Variants in HEXIM2 observed in about 807,000 individuals in gnomAD.
The protein encoded by HEXIM2 is HEXIM P-TEFb complex subunit 2, also known as protein HEXIM2.
For missense variants in HEXIM2, 413 were observed against 390.8 expected (o/e 1.06, Z -0.48); for synonymous variants, 159 against 162.7 (o/e 0.98, Z 0.17).
At chr17:45,166,423 G>A (rs1214928831) in intron 3 of HEXIM2, among the ~76,000 whole-genome samples, 3 of 152,158 alleles carry the variant, frequency 2.0e-5, no homozygotes, top group Non-Finnish European at 2.9e-5. Flanking sequence ...CACTACACCC[G>A]GCCGTAAGTC....
At chr17:45,161,286 G>A (rs1223900603), upstream of HEXIM2, 4 of 316,176 alleles carry the variant, frequency 1.3e-5, no homozygotes, top group African/African-American at 4.3e-5. Flanking sequence ...TGAGAGGCGA[G>A]GCTGCGGGGC....
intron 3 of HEXIM2, among the ~76,000 whole-genome samples, chr17:45,166,686 G>T (rs1207822200): frequency 6.6e-6 from 1 of 152,130 alleles, no homozygotes; most frequent in Non-Finnish European, 1.5e-5. Context: ...GGTGGTCAAG[G>T]AGGGGCTCCC....
At chr17:45,163,682 C>G (rs541827194) in intron 3 of HEXIM2, among the ~76,000 whole-genome samples, 1 of 151,946 alleles carries the variant, frequency 6.6e-6, no homozygotes, top group Non-Finnish European at 1.5e-5. Flanking sequence ...AACCTCATCT[C>G]TACTAAAAAT....
chr17:45,166,767 T>C, intron 3 of HEXIM2, among the ~76,000 whole-genome samples: 1 of 152,112 alleles, frequency 6.6e-6, no homozygotes, highest in East Asian at 1.9e-4. Flanking sequence ...CTCACACCTG[T>C]AATCCCAGTA....
At position 45,169,762 on chromosome 17, in the gene HEXIM2, A is replaced by T; in HGVS notation, c.814A>T (p.Met272Leu). The T allele has an allele frequency of 6.8e-7, 1 of 1,465,638 alleles. No homozygotes were observed. The highest frequency in any genetic ancestry group is 9.0e-7 in the Non-Finnish European group (1 of 1,108,898). 90.8% of individuals were successfully genotyped at this position (1,465,638 alleles called of 1,614,324 possible). A position where few individuals can be genotyped will look rare whatever the true frequency, so the allele number is the denominator to read the frequency against. ...ENQRLRQENQ[M>L]WNREGCRCDE... Reference sequence around the variant, plus strand: ...CCAGCGGCTTCGTCAGGAGAACCAGATGTGGAACCGAGAGGGCTGCCGCTG... The same window carrying T: ...CCAGCGGCTTCGTCAGGAGAACCAGTTGTGGAACCGAGAGGGCTGCCGCTG... Residue 272 changes from methionine to leucine, a missense_variant, in exon 4 of 4, where the codon ATG becomes TTG. Met to Leu is a conservative substitution (Grantham distance 15). Coordinates refer to ENST00000589230, the MANE Select transcript of HEXIM2 (RefSeq NM_001303441.2).
At position 45,169,113 on chromosome 17, in the gene HEXIM2, T is replaced by TG; in HGVS notation, c.166dup (p.Glu56GlyfsTer15). The stretch of plus-strand genomic sequence containing the variant: ...CGCGGATGGAGAGCCACTCAGAGGA[T>TG]GAAGATCTTGCTGGGGCTGTCGGTG... On this transcript the variant is annotated frameshift_variant, in exon 4 of 4. Coordinates refer to ENST00000589230, the MANE Select transcript of HEXIM2 (RefSeq NM_001303441.2). LOFTEE classifies it low-confidence loss of function (END_TRUNC). 1 of 1,614,018 alleles carries TG rather than the reference T, an allele frequency of 6.2e-7. No individual in the cohort carries two copies. Among genetic ancestry groups the TG allele is most frequent in the Non-Finnish European group, 8.5e-7 (1 of 1,180,024 alleles).
chr17:45,168,990 C>A, intron 3 of HEXIM2, 25 bp from the exon 4 acceptor site: 1 of 1,571,642 alleles, frequency 6.4e-7, no homozygotes, highest in South Asian at 1.2e-5. Flanking sequence ...TCTGATCCAT[C>A]CTTCTTCCTC....
rs1345277124 is a variant in HEXIM2 at position 45,169,181 on chromosome 17, G to T, written c.233G>T (p.Gly78Val). Residue 78 changes from glycine (G) to valine (V), a missense_variant, in exon 4 of 4, where the codon GGG becomes GTG. By Grantham distance (109) the Gly-to-Val change is moderately radical (BLOSUM62 -3). Coordinates refer to ENST00000589230, the MANE Select transcript of HEXIM2 (RefSeq NM_001303441.2). ...AGGAGTCCCCGGACCCAGAGCCCAG[G>T]GGGCTGCTCAGCGGAGGCTGTGCTG... ...NSRSPRTQSP[G>V]GCSAEAVLAR... 1.2e-6 allele frequency: 2 copies of T among 1,613,780 alleles called. No homozygotes were observed. The highest frequency in any genetic ancestry group is 1.1e-5 in the South Asian group (1 of 91,084).
Position 45,161,936 on chromosome 17 carries a change from A to G in HEXIM2, c.-288A>G, listed in dbSNP as rs781585153. The G allele has an allele frequency of 2.2e-5, 22 of 985,492 alleles. No individual in the cohort carries two copies. The highest frequency in any genetic ancestry group is 2.7e-5 in the Non-Finnish European group (22 of 830,078). 61.0% of individuals were successfully genotyped at this position (985,492 alleles called of 1,614,324 possible). On this transcript the variant is annotated 5_prime_UTR_variant, in exon 1 of 4. Coordinates refer to ENST00000589230, the MANE Select transcript of HEXIM2 (RefSeq NM_001303441.2). ...GACCAGAGCTGCTGCAACTGCAGCA[A>G]GAGGTAGGGCTCAGGCGTTGGGAAT...
At chr17:45,166,186 G>A (rs563790080) in intron 3 of HEXIM2, among the ~76,000 whole-genome samples, 12 of 152,088 alleles carry the variant, frequency 7.9e-5, no homozygotes, top group East Asian at 1.9e-4. Context: ...GCGCAGTGGC[G>A]CAATCACAGC....
In HEXIM2 at chr17:45,169,566, G is replaced by A. The variant is rs1385784188; in HGVS notation, c.618G>A (p.Gln206=). The A allele has an allele frequency of 1.3e-6, 2 of 1,555,810 alleles. No homozygotes were observed. The highest frequency in any genetic ancestry group is 3.9e-5 in the Admixed American group (2 of 50,788). Residue 206 remains glutamine (Q), a synonymous_variant, in exon 4 of 4, where the codon CAG becomes CAA. Coordinates refer to ENST00000589230, the MANE Select transcript of HEXIM2 (RefSeq NM_001303441.2). ...TYERFHTESL[Q]GRSKQELVRD... is the part of the protein sequence containing the mutation. Reference sequence around the variant, plus strand: ...AACGCTTCCACACCGAGAGCCTGCAGGGCCGCAGCAAGCAGGAGCTGGTGC... The same window carrying A: ...AACGCTTCCACACCGAGAGCCTGCAAGGCCGCAGCAAGCAGGAGCTGGTGC...
upstream of HEXIM2, chr17:45,160,755 G>A (rs941462964): frequency 6.7e-6 from 3 of 445,958 alleles, no homozygotes; most frequent in Admixed American, 2.5e-5. Context: ...GTTGTCCGGA[G>A]AATCGGGGCT....
upstream of HEXIM2, chr17:45,161,793 TG>T (rs1213704635): frequency 1.0e-6 from 1 of 981,664 alleles, no homozygotes; most frequent in African/African-American, 1.8e-5. Flanking sequence ...GTCTCGGGTG[TG>T]GCTGTTGACG....
Position 45,165,254 on chromosome 17 carries a change from C to G in HEXIM2, c.66+2395C>G, listed in dbSNP as rs559559810. Among the ~76,000 whole-genome samples the G allele has an allele frequency of 3.3e-5, 5 of 152,258 alleles. No individual in the cohort carries two copies. The South Asian group carries it at 1.0e-3, about 32-fold the overall frequency. Reference sequence around the variant, plus strand: ...TCTCCCTGCAGGTGAAGTAACACAACAAACTCCACATACGTACACACCCCA... The same window carrying G: ...TCTCCCTGCAGGTGAAGTAACACAAGAAACTCCACATACGTACACACCCCA... On this transcript the variant is annotated intron_variant, in intron 3 of 3. Transcript: ENST00000589230.
At chr17:45,165,440 G>T (rs1039781123) in intron 3 of HEXIM2, among the ~76,000 whole-genome samples, 1 of 152,046 alleles carries the variant, frequency 6.6e-6, no homozygotes, top group Admixed American at 6.6e-5. Context: ...TCTGAACTGC[G>T]TTGCATATTA....
rs1233071811 is a variant in HEXIM2, at chr17:45,169,220, A to T, written c.272A>T (p.His91Leu). The T allele has an allele frequency of 6.2e-7, 1 of 1,613,392 alleles. No individual in the cohort carries two copies. Among genetic ancestry groups the T allele is most frequent in the Admixed American group, 1.7e-5 (1 of 60,008 alleles). The change falls in exon 4 of 4, where the codon CAC becomes CTC. Residue 91 changes from histidine to leucine, a missense_variant. Transcript: ENST00000589230. ...GAGGCTGTGCTGGCCCGGAAGAAAC[A>T]CCGTCGGCGGCCATCGAAGCGCAAA... ...SAEAVLARKK[H>L]RRRPSKRKRH...
intron 3 of HEXIM2, among the ~76,000 whole-genome samples, chr17:45,163,189 G>A (rs553741043): frequency 2.8e-4 from 42 of 152,216 alleles, no homozygotes; most frequent in Non-Finnish European, 2.9e-5. Context: ...CTGGCATAGT[G>A]GTGGCGCATG....
rs375004276 is a variant in HEXIM2 at position 45,169,413 on chromosome 17, G to A, written c.465G>A (p.Glu155=). 3 of 1,614,020 alleles carry A rather than the reference G, an allele frequency of 1.9e-6. No individual in the cohort carries two copies. The highest frequency in any genetic ancestry group is 2.2e-5 in the East Asian group (1 of 44,888). Residue 155 remains glutamate, a synonymous_variant, in exon 4 of 4, where the codon GAG becomes GAA. Transcript: ENST00000589230. ...QFLMNDRDPE[E]PNLDVPHGIS... is the part of the protein sequence containing the mutation. ...TGATGAATGACAGGGACCCGGAGGA[G>A]CCCAACTTGGATGTGCCCCATGGGA... is the stretch of plus-strand genomic sequence containing the variant.
chr17:45,169,714 G>C lies in HEXIM2; in HGVS notation c.766G>C (p.Val256Leu). The C allele has an allele frequency of 5.9e-6, 9 of 1,523,658 alleles. No homozygotes were observed. The highest frequency in any genetic ancestry group is 7.9e-6 in the Non-Finnish European group (9 of 1,133,410). The allele number at this position is 1,523,658 out of a possible 1,614,324, so 94.4% of individuals were successfully genotyped here. The change falls in exon 4 of 4, where the codon GTC becomes CTC. Residue 256 changes from valine (V) to leucine (L), a missense_variant. By Grantham distance (32) the Val-to-Leu change is conservative (BLOSUM62 1). Transcript: ENST00000589230. ...CCAGGTGGAGGAGCTGGCTGCCGAG[G>C]TCCAGAGGCTCCGGACCGAAAACCA... ...CRQVEELAAE[V>L]QRLRTENQRL...
Sources: allele counts gnomAD v4.1 joint callset (sites outside exome capture counted in the v4.1 genomes callset), GRCh38; gene constraint gnomAD v4.1.1; transcripts MANE v1.5; gene names NCBI Gene and HGNC (gene_info 2026-07-23, HGNC 2026-07-21).